Variants in MACROD2 observed in about 807,000 individuals in gnomAD.
MACROD2 encodes ADP-ribose glycohydrolase MACROD2.
MACROD2 carries 36 observed loss-of-function variants against 70.4 expected under a neutral mutation model. That is an observed-to-expected ratio of 0.51 (90% CI 0.39 to 0.68). MACROD2 has a LOEUF of 0.68. MACROD2 is among the 30% of genes least tolerant of loss of function. The pLI, the probability that MACROD2 is intolerant of heterozygous loss-of-function variation, is 0.00. For missense variants in MACROD2, 496 were observed against 538.4 expected, an observed-to-expected ratio of 0.92 and a Z score of 0.78; for synonymous variants, 172 against 178.8, an observed-to-expected ratio of 0.96 and a Z score of 0.30.
chr20:15,682,665 C>T (rs539606177), intron 8 of MACROD2, among the ~76,000 whole-genome samples: 1 of 152,212 alleles, frequency 6.6e-6, no homozygotes, highest in Non-Finnish European at 1.5e-5. Context: ...TCAAACAACA[C>T]ATTTAAAATT....
At chr20:14,000,562 A>G (rs1183492298) in intron 1 of MACROD2, among the ~76,000 whole-genome samples, 1 of 152,236 alleles carries the variant, frequency 6.6e-6, no homozygotes, top group Non-Finnish European at 1.5e-5. Context: ...ATTGCAGAGT[A>G]TGAGAAATAA....
intron 8 of MACROD2, among the ~76,000 whole-genome samples, chr20:15,606,065 T>G (rs2048889101): frequency 2.0e-5 from 3 of 152,196 alleles, no homozygotes; most frequent in Admixed American, 2.0e-4. Context: ...TTTGGATTTT[T>G]ATAATGTCTC....
chr20:14,021,232 G>A (rs139704096), intron 2 of MACROD2, among the ~76,000 whole-genome samples: 23 of 152,172 alleles, frequency 1.5e-4, no homozygotes, highest in East Asian at 9.7e-4. Context: ...CTCGTGATCC[G>A]CCTACCTTCG....
At chr20:15,981,582 G>A (rs1568684427) in intron 13 of MACROD2, among the ~76,000 whole-genome samples, 1 of 152,124 alleles carries the variant, frequency 6.6e-6, no homozygotes, top group Non-Finnish European at 1.5e-5. Context: ...GATATTTAGA[G>A]ACTGGGTTAC....
intron 3 of MACROD2, among the ~76,000 whole-genome samples, chr20:14,338,291 C>T (rs1216597481): frequency 1.3e-5 from 2 of 152,036 alleles, no homozygotes; most frequent in South Asian, 2.1e-4. Flanking sequence ...CACTTGAACC[C>T]GGGAGGCAGA....
chr20:14,619,396 G>GGAGGGGAA, intron 4 of MACROD2, among the ~76,000 whole-genome samples: 1 of 20,960 alleles, frequency 4.8e-5, no homozygotes, highest in African/African-American at 2.0e-4. Context: ...AGGAAGGAGG[G>GGAGGGGAA]GGGAGGAAGG....
At chr20:15,200,552 A>G (rs1406386269) in intron 5 of MACROD2, among the ~76,000 whole-genome samples, 5 of 152,220 alleles carry the variant, frequency 3.3e-5, no homozygotes, top group African/African-American at 7.2e-5. Context: ...AAGTGAAACC[A>G]TATTAACTAC....
intron 5 of MACROD2, among the ~76,000 whole-genome samples, chr20:15,079,317 C>T (rs2123128372): frequency 6.6e-6 from 1 of 152,052 alleles, no homozygotes; most frequent in South Asian, 2.1e-4. Flanking sequence ...CTTGGCTGGT[C>T]CATCCATCAC....
At chr20:15,242,426 G>A (rs1056462167) in intron 6 of MACROD2, among the ~76,000 whole-genome samples, 1 of 152,056 alleles carries the variant, frequency 6.6e-6, no homozygotes, top group Non-Finnish European at 1.5e-5. Context: ...TATGCTGTTG[G>A]ATTATTTTTT....
intron 5 of MACROD2, among the ~76,000 whole-genome samples, chr20:15,121,023 C>T (rs2076026310): frequency 6.6e-6 from 1 of 152,158 alleles, no homozygotes; most frequent in East Asian, 1.9e-4. Context: ...ACTTTGGCCT[C>T]TCTTTTCCAT....
At chr20:15,036,476 C>G (rs79219194) in intron 5 of MACROD2, among the ~76,000 whole-genome samples, 1 of 152,118 alleles carries the variant, frequency 6.6e-6, no homozygotes, top group Non-Finnish European at 1.5e-5. Context: ...CCCTTCCCCC[C>G]ACCAATCAGT....
At chr20:14,079,574 C>A (rs2053962633) in intron 2 of MACROD2, among the ~76,000 whole-genome samples, 1 of 152,168 alleles carries the variant, frequency 6.6e-6, no homozygotes, top group East Asian at 1.9e-4. Flanking sequence ...CCTGATCCCT[C>A]CAGAATTCAG....
chr20:14,455,481 A>G (rs1245753610), intron 3 of MACROD2, among the ~76,000 whole-genome samples: 8 of 151,914 alleles, frequency 5.3e-5, no homozygotes, highest in Admixed American at 2.0e-4. Flanking sequence ...ATCAACATAT[A>G]TAAAGTCTAT....
chr20:15,086,149 G>C (rs933914548), intron 5 of MACROD2, among the ~76,000 whole-genome samples: 5 of 151,870 alleles, frequency 3.3e-5, no homozygotes, highest in African/African-American at 1.2e-4. Context: ...AGAACCACTG[G>C]GTTAAGAGAT....
intron 5 of MACROD2, among the ~76,000 whole-genome samples, chr20:15,068,083 A>G (rs996164319): frequency 1.3e-5 from 2 of 152,118 alleles, no homozygotes; most frequent in Admixed American, 6.6e-5. Context: ...TTATCTGGGC[A>G]TCTTCTCTTT....
At chr20:15,537,682 C>T (rs1412230980) in intron 8 of MACROD2, among the ~76,000 whole-genome samples, 1 of 152,020 alleles carries the variant, frequency 6.6e-6, no homozygotes, top group Non-Finnish European at 1.5e-5. Context: ...CCATGTTGGC[C>T]AGGCTAGTCT....
chr20:14,953,724 G>A (rs529878132), intron 5 of MACROD2, among the ~76,000 whole-genome samples: 2 of 152,302 alleles, frequency 1.3e-5, no homozygotes, highest in East Asian at 3.9e-4. Flanking sequence ...TGAACATAAG[G>A]CATTCTGAGG....
chr20:15,636,765 A>T (rs2049376473), intron 8 of MACROD2, among the ~76,000 whole-genome samples: 1 of 152,034 alleles, frequency 6.6e-6, no homozygotes, highest in African/African-American at 2.4e-5. Flanking sequence ...GGAAGACTCA[A>T]CGCCGGGGTC....
chr20:15,808,622 A>T (rs1227828902), intron 8 of MACROD2, among the ~76,000 whole-genome samples: 3 of 152,152 alleles, frequency 2.0e-5, no homozygotes, highest in Non-Finnish European at 4.4e-5. Flanking sequence ...TTCATTAATA[A>T]GCTAGGTTTT....
Sources: gnomAD v4.1 joint callset for allele counts (sites outside exome capture counted in the v4.1 genomes callset) on GRCh38, gnomAD v4.1.1 for gene constraint, MANE v1.5 for transcripts, NCBI Gene and HGNC (gene_info 2026-07-23, HGNC 2026-07-21) for gene names.